PRKN: variants seen among roughly 807,000 people sequenced by gnomAD.
PRKN encodes the protein parkin RBR E3 ubiquitin protein ligase, also known as E3 ubiquitin-protein ligase parkin.
In PRKN, 56 loss-of-function variants were observed where a neutral mutation model predicts 59.5. That is an observed-to-expected ratio of 0.94 (90% CI 0.76 to 1.18). The LOEUF (loss-of-function observed/expected upper bound fraction) is 1.18. Ranked by LOEUF, PRKN falls within the 50% of genes most tolerant of loss-of-function variation. The pLI is 0.00. For missense variants in PRKN, 657 were observed against 596.4 expected (o/e 1.10, Z -1.06); for synonymous variants, 250 against 222.1 (o/e 1.13, Z -1.12).
intron 1 of PRKN, among the ~76,000 whole-genome samples, chr6:162,558,525 C>T (rs1195502778): frequency 6.6e-6 from 1 of 151,928 alleles, no homozygotes; most frequent in African/African-American, 2.4e-5. Context: ...GATGGGGTTT[C>T]TCCATGTTGG....
chr6:162,228,210 A>G (rs1479132608), intron 3 of PRKN, among the ~76,000 whole-genome samples: 1 of 152,188 alleles, frequency 6.6e-6, no homozygotes, highest in South Asian at 2.1e-4. Flanking sequence ...ACGTGTTTCA[A>G]CTGAAATGCA....
At chr6:162,276,428 A>C (rs1020816724) in intron 2 of PRKN, among the ~76,000 whole-genome samples, 1 of 152,166 alleles carries the variant, frequency 6.6e-6, no homozygotes, top group Non-Finnish European at 1.5e-5. Context: ...GCTGTATTCT[A>C]AAGTCACTTG....
At chr6:161,374,901 T>A (rs561613662) in intron 10 of PRKN, among the ~76,000 whole-genome samples, 2 of 152,292 alleles carry the variant, frequency 1.3e-5, no homozygotes, top group African/African-American at 4.8e-5. Flanking sequence ...AGACCTTTTT[T>A]ACCAACTCTG....
chr6:161,839,989 G>C (rs888592920), intron 6 of PRKN, among the ~76,000 whole-genome samples: 2 of 152,214 alleles, frequency 1.3e-5, no homozygotes, highest in Non-Finnish European at 2.9e-5. Flanking sequence ...TGCAAAAGAG[G>C]CACTCGCCCA....
chr6:162,183,316 C>G (rs965065909), intron 4 of PRKN, among the ~76,000 whole-genome samples: 1 of 152,046 alleles, frequency 6.6e-6, no homozygotes, highest in Non-Finnish European at 1.5e-5. Context: ...AGGCTGCAGC[C>G]CAAAGGGATC....
chr6:162,462,436 A>C (rs1043542333), intron 1 of PRKN, among the ~76,000 whole-genome samples: 4 of 152,186 alleles, frequency 2.6e-5, no homozygotes, highest in Non-Finnish European at 5.9e-5. Flanking sequence ...TGATGGAATT[A>C]TCAAAACATC....
Position 161,395,115 on chromosome 6 carries a change from C to G in PRKN, c.1084-8238G>C, listed in dbSNP as rs566008743. Among the ~76,000 whole-genome samples, 3 of 152,128 alleles carry G rather than the reference C, an allele frequency of 2.0e-5. No homozygotes were observed. Among genetic ancestry groups the G allele is most frequent in the Non-Finnish European group, 4.4e-5 (3 of 68,040 alleles). The stretch of plus-strand genomic sequence containing the variant: ...TCCTCCTTGGTCAGCTACATAGCTT[C>G]CCAGAGACAATCACTGTCACCTGTT... On this transcript the variant is annotated intron_variant, in intron 9 of 11. Coordinates refer to ENST00000366898, the MANE Select transcript of PRKN (RefSeq NM_004562.3). The surrounding 1 kb of genome is among the most constrained non-coding windows in gnomAD (Gnocchi z 5.0).
intron 4 of PRKN, among the ~76,000 whole-genome samples, chr6:162,151,102 C>T (rs1010145704): frequency 6.6e-6 from 1 of 152,064 alleles, no homozygotes; most frequent in Non-Finnish European, 1.5e-5. Context: ...AATCAGAGGC[C>T]GTCCACAATA....
At chr6:162,011,929 C>T (rs965371048) in intron 5 of PRKN, among the ~76,000 whole-genome samples, 1 of 151,686 alleles carries the variant, frequency 6.6e-6, no homozygotes, top group African/African-American at 2.4e-5. Context: ...TGATGGATAG[C>T]AGAGATTTAG....
intron 3 of PRKN, among the ~76,000 whole-genome samples, chr6:162,262,083 A>G (rs1380268176): frequency 4.6e-5 from 7 of 152,230 alleles, no homozygotes; most frequent in Non-Finnish European, 1.0e-4. Context: ...AGAGGCACAT[A>G]TTAATTTTTT....
At position 162,443,293 on chromosome 6, in the gene PRKN, C is replaced by T. The variant is rs370823431; in HGVS notation, c.171+17G>A. 315 of 1,611,902 alleles carry T rather than the reference C, an allele frequency of 2.0e-4. 2 individuals are homozygous for T. The highest frequency in any genetic ancestry group is 5.1e-4 in the South Asian group (46 of 90,992). On this transcript the variant is annotated intron_variant, in intron 2 of 11. Transcript: ENST00000366898. ...GAGCTGGCGGCATCCCAAGAACGGC[C>T]GCCAAGGGAGACTCACCTGCACAGT...
At chr6:162,420,308 T>C (rs78077130) in intron 2 of PRKN, among the ~76,000 whole-genome samples, 3,158 of 152,170 alleles carry the variant, frequency 0.021, 47 homozygotes, top group Middle Eastern at 0.044. Flanking sequence ...TAAAATACCA[T>C]AGCCTGAGAT....
intron 1 of PRKN, among the ~76,000 whole-genome samples, chr6:162,589,183 A>G (rs1414556452): frequency 6.6e-6 from 1 of 152,198 alleles, no homozygotes; most frequent in African/African-American, 2.4e-5. Context: ...CCCTTATGCC[A>G]TAAAGCAACA....
chr6:161,975,317 C>G (rs552525610), intron 5 of PRKN, among the ~76,000 whole-genome samples: 1 of 151,958 alleles, frequency 6.6e-6, no homozygotes. Flanking sequence ...CTCCTGACCT[C>G]GTGATCTGCC....
At chr6:162,160,916 A>G (rs996814914) in intron 4 of PRKN, among the ~76,000 whole-genome samples, 6 of 146,948 alleles carry the variant, frequency 4.1e-5, no homozygotes, top group Non-Finnish European at 9.0e-5. Flanking sequence ...AAAAAAAAAA[A>G]AGAAAAAGAG....
At chr6:162,287,801 T>C (rs1039127944) in intron 2 of PRKN, among the ~76,000 whole-genome samples, 7 of 152,108 alleles carry the variant, frequency 4.6e-5, no homozygotes, top group African/African-American at 1.4e-4. Context: ...AAAATTAGCT[T>C]TGATTATGAA....
intron 1 of PRKN, among the ~76,000 whole-genome samples, chr6:162,604,687 T>C (rs944205844): frequency 6.8e-6 from 1 of 147,010 alleles, no homozygotes. Context: ...GCCCTGTTTC[T>C]TTCTCTCTCC....
intron 7 of PRKN, among the ~76,000 whole-genome samples, chr6:161,780,044 T>C (rs1790138288): frequency 6.6e-6 from 1 of 152,236 alleles, no homozygotes; most frequent in Admixed American, 6.5e-5. Context: ...AAAGCCAGTG[T>C]ACATTGCGTG....
At chr6:162,614,248 G>A (rs924320065) in intron 1 of PRKN, among the ~76,000 whole-genome samples, 1 of 152,046 alleles carries the variant, frequency 6.6e-6, no homozygotes, top group African/African-American at 2.4e-5. Context: ...TTACCTGAGT[G>A]CCTCTAGGGA....
Sources: allele counts gnomAD v4.1 joint callset (sites outside exome capture counted in the v4.1 genomes callset), GRCh38; gene constraint gnomAD v4.1.1; non-coding constraint Gnocchi (gnomAD v3.1); transcripts MANE v1.5; gene names NCBI Gene and HGNC (gene_info 2026-07-23, HGNC 2026-07-21).